The following PCDH15 variants were observed in gnomAD, a reference collection of about 807,000 sequenced individuals.
PCDH15 encodes the protein protocadherin related 15, also known as protocadherin-15.
A neutral mutation model predicts 178.5 loss-of-function variants in PCDH15; 129 were observed. That is an observed-to-expected ratio of 0.72 (90% confidence interval 0.63 to 0.84). The LOEUF is 0.84. Ranked by LOEUF, PCDH15 falls within the 40% of genes least tolerant of loss-of-function variation. The pLI is 0.00. For synonymous variants in PCDH15, 800 were observed against 732.0 expected, an observed-to-expected ratio of 1.09 and a Z score of -1.50; for missense variants, 2,230 against 2,099.9, an observed-to-expected ratio of 1.06 and a Z score of -1.21.
At chr10:55,625,850 A>G (rs1837514916) in intron 2 of PCDH15, among the ~76,000 whole-genome samples, 1 of 152,048 alleles carries the variant, frequency 6.6e-6, no homozygotes, top group African/African-American at 2.4e-5. Flanking sequence ...AATTCTCCTT[A>G]AGTACTGTCC....
chr10:54,762,285 G>A (rs11004554), intron 1 of PCDH15, among the ~76,000 whole-genome samples: 31,870 of 151,952 alleles, frequency 0.21, 3,875 homozygotes, highest in East Asian at 0.48. Flanking sequence ...GAAAAAATTT[G>A]CTGGAGATAT....
chr10:54,430,209 C>T (rs1423900006), intron 3 of PCDH15, among the ~76,000 whole-genome samples: 1 of 152,040 alleles, frequency 6.6e-6, no homozygotes, highest in Non-Finnish European at 1.5e-5. Context: ...GCATGTGCCA[C>T]CATGCCCAAC....
intron 13 of PCDH15, among the ~76,000 whole-genome samples, chr10:54,155,099 C>A (rs932394424): frequency 1.3e-5 from 2 of 152,128 alleles, no homozygotes; most frequent in Non-Finnish European, 2.9e-5. Flanking sequence ...TATTAACATT[C>A]TTCCTGGGAC....
intron 3 of PCDH15, among the ~76,000 whole-genome samples, chr10:54,419,243 T>C (rs74136147): frequency 3.0e-4 from 45 of 150,660 alleles, no homozygotes; most frequent in Middle Eastern, 6.8e-3. Context: ...CATATATACA[T>C]ACACACACAC....
chr10:54,370,425 C>T (rs750740387), intron 4 of PCDH15, among the ~76,000 whole-genome samples: 64 of 151,750 alleles, frequency 4.2e-4, no homozygotes, highest in African/African-American at 1.4e-3. Context: ...TTTGGTTTGT[C>T]TGCCTTCACT....
At chr10:53,991,647 A>T (rs1335246685) in intron 21 of PCDH15, among the ~76,000 whole-genome samples, 1 of 148,388 alleles carries the variant, frequency 6.7e-6, no homozygotes, top group African/African-American at 2.5e-5. Flanking sequence ...GTTTGCAAAC[A>T]CACCAGTCGG....
chr10:54,849,054 T>C (rs560130860), intron 3 of PCDH15, among the ~76,000 whole-genome samples: 1 of 152,346 alleles, frequency 6.6e-6, no homozygotes, highest in East Asian at 1.9e-4. Context: ...AAAATTACGT[T>C]GAATAATTTT....
At chr10:54,561,154 A>G (rs2088087135) in intron 2 of PCDH15, among the ~76,000 whole-genome samples, 1 of 152,130 alleles carries the variant, frequency 6.6e-6, no homozygotes, top group South Asian at 2.1e-4. Context: ...CTTAAGTAAA[A>G]TTTCAACATG....
chr10:54,306,999 A>T (rs1185230430), intron 8 of PCDH15, among the ~76,000 whole-genome samples: 35 of 99,568 alleles, frequency 3.5e-4, no homozygotes, highest in African/African-American at 6.3e-4. Context: ...TTTGAAATTA[A>T]ATATATATAT....
intron 18 of PCDH15, among the ~76,000 whole-genome samples, chr10:54,054,768 T>G (rs978270134): frequency 6.6e-6 from 1 of 152,174 alleles, no homozygotes; most frequent in Non-Finnish European, 1.5e-5. Context: ...ATTGTAAATA[T>G]TATTATGTAG....
intron 1 of PCDH15, among the ~76,000 whole-genome samples, chr10:54,683,437 T>A (rs1006731733): frequency 6.6e-6 from 1 of 152,146 alleles, no homozygotes; most frequent in Admixed American, 6.6e-5. Flanking sequence ...TGAAATGATA[T>A]GAAATTTGTG....
intron 13 of PCDH15, among the ~76,000 whole-genome samples, chr10:54,171,544 G>A (rs1009588565): frequency 1.5e-3 from 203 of 139,034 alleles, no homozygotes; most frequent in African/African-American, 6.1e-3. Flanking sequence ...TCAACTACTC[G>A]TACATGCCCT....
At chr10:55,139,530 A>G (rs567996934) in intron 2 of PCDH15, among the ~76,000 whole-genome samples, 8 of 152,204 alleles carry the variant, frequency 5.3e-5, no homozygotes, top group Admixed American at 3.9e-4. Context: ...ATGTTTCCAC[A>G]CCATTTGTTG....
intron 8 of PCDH15, among the ~76,000 whole-genome samples, chr10:54,253,422 A>G (rs2056656135): frequency 6.6e-6 from 1 of 152,054 alleles, no homozygotes; most frequent in African/African-American, 2.4e-5. Flanking sequence ...TAGACCCTAC[A>G]TGTACATCGA....
intron 23 of PCDH15, among the ~76,000 whole-genome samples, chr10:53,959,327 C>T (rs1008035812): frequency 6.6e-6 from 1 of 151,414 alleles, no homozygotes; most frequent in Admixed American, 6.6e-5. Flanking sequence ...CACATACACA[C>T]ATACACACTG....
chr10:54,991,515 A>G (rs1435273051), intron 2 of PCDH15, among the ~76,000 whole-genome samples: 1 of 152,172 alleles, frequency 6.6e-6, no homozygotes, highest in African/African-American at 2.4e-5. Flanking sequence ...AATAATTACT[A>G]ATTTTATACA....
intron 2 of PCDH15, among the ~76,000 whole-genome samples, chr10:54,578,172 T>C (rs928990902): frequency 4.6e-5 from 7 of 152,114 alleles, no homozygotes; most frequent in African/African-American, 7.2e-5. Context: ...AAATTTCTGG[T>C]GTAAATTCTG....
intron 2 of PCDH15, among the ~76,000 whole-genome samples, chr10:55,140,710 G>A (rs1838327519): frequency 6.6e-6 from 1 of 151,782 alleles, no homozygotes; most frequent in African/African-American, 2.4e-5. Context: ...TTAATCATTG[G>A]GTAGACTTCT....
At chr10:54,499,308 T>G (rs2080417031) in intron 3 of PCDH15, among the ~76,000 whole-genome samples, 1 of 152,114 alleles carries the variant, frequency 6.6e-6, no homozygotes, top group African/African-American at 2.4e-5. Context: ...GAGTCAACAC[T>G]TGACCAAATG....
Sources: gnomAD v4.1 joint callset for allele counts (sites outside exome capture counted in the v4.1 genomes callset) on GRCh38, gnomAD v4.1.1 for gene constraint, MANE v1.5 for transcripts, NCBI Gene and HGNC (gene_info 2026-07-23, HGNC 2026-07-21) for gene names.